NUP155: variants seen among roughly 807,000 people sequenced by gnomAD.
NUP155 encodes nuclear pore complex protein Nup155.
A neutral mutation model predicts 180.4 loss-of-function variants in NUP155; 71 were observed. The observed-to-expected ratio is 0.39, with a 90% CI of 0.33 to 0.48. The LOEUF (loss-of-function observed/expected upper bound fraction) is 0.48, where lower values mean the gene tolerates loss of function less well. Ranked by LOEUF, NUP155 falls within the 20% of genes least tolerant of loss-of-function variation. NUP155 has a pLI of 0.91. For missense variants in NUP155, 1,553 were observed against 1,648.9 expected (o/e 0.94, Z 1.01); for synonymous variants, 582 against 559.5 (o/e 1.04, Z -0.57).
intron 16 of NUP155, 42 bp from the exon 17 acceptor site, chr5:37,328,462 T>C (rs1407285425): frequency 1.5e-6 from 2 of 1,372,808 alleles, no homozygotes; most frequent in Non-Finnish European, 1.0e-6. Flanking sequence ...GAAAAGAACA[T>C]CTCAATCTTT....
At chr5:37,292,151 T>C (rs1742267598) in intron 34 of NUP155, 113 bp from the exon 35 acceptor site, 2 of 951,838 alleles carry the variant, frequency 2.1e-6, no homozygotes, top group African/African-American at 3.3e-5. Context: ...GGAAAGACCA[T>C]GTGATTAAGT....
At chr5:37,351,761 T>G (rs1462199865) in intron 5 of NUP155, among the ~76,000 whole-genome samples, 1 of 152,116 alleles carries the variant, frequency 6.6e-6, no homozygotes, top group African/African-American at 2.4e-5. Flanking sequence ...ACTCAATTCT[T>G]ACTGACAATT....
At chr5:37,294,261 C>G (rs1446817747) in intron 33 of NUP155, 68 bp downstream of exon 33, 4 of 1,083,656 alleles carry the variant, frequency 3.7e-6, no homozygotes, top group Non-Finnish European at 5.5e-6. Context: ...TCAAAATACC[C>G]CACTCTATAT....
intron 12 of NUP155, among the ~76,000 whole-genome samples, chr5:37,336,102 T>G (rs1479823898): frequency 6.6e-6 from 1 of 152,180 alleles, no homozygotes; most frequent in Non-Finnish European, 1.5e-5. Context: ...CTTGATGAGT[T>G]TTTTTGTTAA....
chr5:37,369,304 C>A (rs1163345607), intron 1 of NUP155, among the ~76,000 whole-genome samples: 1 of 152,158 alleles, frequency 6.6e-6, no homozygotes. Flanking sequence ...AGGACTTTCA[C>A]AGGGAGTCTG....
At chr5:37,292,309 G>A (rs567110917) in intron 34 of NUP155, among the ~76,000 whole-genome samples, 2 of 151,738 alleles carry the variant, frequency 1.3e-5, no homozygotes, top group South Asian at 4.2e-4. Flanking sequence ...TCTGCCTCCT[G>A]GGTTCACGCC....
intron 3 of NUP155, among the ~76,000 whole-genome samples, chr5:37,362,210 A>C (rs1413736219): frequency 6.6e-6 from 1 of 152,170 alleles, no homozygotes; most frequent in African/African-American, 2.4e-5. Context: ...CCACAACAAC[A>C]GTGTCAGATA....
chr5:37,353,889 A>C (rs1451131799), intron 4 of NUP155, among the ~76,000 whole-genome samples: 2 of 152,220 alleles, frequency 1.3e-5, no homozygotes, highest in African/African-American at 4.8e-5. Context: ...AATAACGTGA[A>C]TGGACTTAAT....
At chr5:37,335,295 T>C (rs1236310124) in intron 12 of NUP155, among the ~76,000 whole-genome samples, 1 of 150,428 alleles carries the variant, frequency 6.6e-6, no homozygotes, top group Non-Finnish European at 1.5e-5. Flanking sequence ...GTAGGAGGAT[T>C]GCTTGAACCC....
intron 11 of NUP155, 59 bp downstream of exon 11, chr5:37,341,031 A>C: frequency 7.4e-7 from 1 of 1,359,638 alleles, no homozygotes; most frequent in Non-Finnish European, 1.0e-6. Flanking sequence ...TCACAACACC[A>C]TATAATTTTA....
chr5:37,356,144 G>C (rs1323585675), intron 4 of NUP155, among the ~76,000 whole-genome samples: 2 of 149,684 alleles, frequency 1.3e-5, no homozygotes, highest in Non-Finnish European at 3.0e-5. Flanking sequence ...CAGGAGAATC[G>C]CTTGAACCCA....
At chr5:37,341,274 T>C (rs375545462) in intron 10 of NUP155, 32 bp from the exon 11 acceptor site, 119 of 1,595,750 alleles carry the variant, frequency 7.5e-5, no homozygotes, top group Non-Finnish European at 9.3e-5. Flanking sequence ...GCATCAGTAA[T>C]AGAAAACAAG....
chr5:37,321,933 G>A (rs1299241858), intron 20 of NUP155, among the ~76,000 whole-genome samples: 8 of 151,702 alleles, frequency 5.3e-5, no homozygotes, highest in Admixed American at 1.3e-4. Flanking sequence ...TGGGCTCACC[G>A]CAACCTCCGC....
rs1743376140 is a variant in NUP155 at position 37,309,275 on chromosome 5, AGG to A, written c.2629-10_2629-9del. On this transcript the variant is annotated splice_polypyrimidine_tract_variant and intron_variant, in intron 23 of 34. Coordinates refer to ENST00000231498, the MANE Select transcript of NUP155 (RefSeq NM_153485.3). ...CTGGAGAAGCTCATTTGCCTAGAAG[AGG>A]AGATAACAAGAACTTAAAAATATAT... 5.0e-6 allele frequency: 8 copies of A among 1,609,190 alleles called. No individual in the cohort carries two copies. Among genetic ancestry groups the A allele is most frequent in the Non-Finnish European group, 6.8e-6 (8 of 1,177,374 alleles).
At chr5:37,366,727 C>CT (rs1747608615) in intron 1 of NUP155, among the ~76,000 whole-genome samples, 1 of 150,512 alleles carries the variant, frequency 6.6e-6, no homozygotes, top group African/African-American at 2.4e-5. Flanking sequence ...TCTCAGCTCA[C>CT]TGCAAGCTCC....
chr5:37,307,542 T>A, intron 24 of NUP155, 110 bp from the exon 25 acceptor site: 1 of 1,005,036 alleles, frequency 9.9e-7, no homozygotes, highest in Non-Finnish European at 1.6e-6. Flanking sequence ...TACTGTACAA[T>A]AGTCACCCTG....
chr5:37,329,712 T>C (rs984082855), intron 15 of NUP155, among the ~76,000 whole-genome samples: 2 of 152,308 alleles, frequency 1.3e-5, no homozygotes, highest in South Asian at 2.1e-4. Flanking sequence ...ATACTAATGA[T>C]ACATATTAAG....
At position 37,306,256 on chromosome 5, in the gene NUP155, C is replaced by T. The variant is rs149926905; in HGVS notation, c.2903+1041G>A. On this transcript the variant is annotated intron_variant, in intron 25 of 34. Transcript: ENST00000231498. ...AATTAAAGAGAAAAAAAAAATTAGC[C>T]GAGTGTGGTGACATGTGCCTGTAGT... 3.5e-4 allele frequency among the ~76,000 whole-genome samples: 53 copies of T among 151,804 alleles called. No homozygotes were observed. In the East Asian group the frequency reaches 6.2e-3, roughly 18 times the overall value.
intron 3 of NUP155, among the ~76,000 whole-genome samples, chr5:37,360,167 C>A (rs181503435): frequency 1.3e-5 from 2 of 151,454 alleles, no homozygotes; most frequent in African/African-American, 4.8e-5. Context: ...TAAAGAATTT[C>A]GACAAAAAGA....
Sources: allele counts gnomAD v4.1 joint callset (sites outside exome capture counted in the v4.1 genomes callset), GRCh38; gene constraint gnomAD v4.1.1; transcripts MANE v1.5; gene names NCBI Gene and HGNC (gene_info 2026-07-23, HGNC 2026-07-21).